The following MAN1C1 variants were observed in gnomAD, a reference collection of about 807,000 sequenced individuals.
The protein encoded by MAN1C1 is mannosidase alpha class 1C member 1, also known as mannosyl-oligosaccharide 1,2-alpha-mannosidase IC.
In MAN1C1, 49 loss-of-function variants were observed where a neutral mutation model predicts 71.5. The observed-to-expected ratio is 0.69, with a 90% confidence interval of 0.54 to 0.87. MAN1C1 has a LOEUF of 0.87. Ranked by LOEUF, MAN1C1 falls within the 40% of genes least tolerant of loss-of-function variation. The probability of loss-of-function intolerance (pLI) is 0.00; values close to 1 mark genes in which losing one functional copy is unlikely to be tolerated. For missense variants in MAN1C1, 743 were observed against 835.0 expected, an observed-to-expected ratio of 0.89 and a Z score of 1.36; for synonymous variants, 352 against 343.7, an observed-to-expected ratio of 1.02 and a Z score of -0.27.
intron 1 of MAN1C1, among the ~76,000 whole-genome samples, chr1:25,681,738 G>T (rs1403135416): frequency 6.6e-6 from 1 of 152,144 alleles, no homozygotes. Context: ...TGGCCGCACC[G>T]TTTTCATTCC....
intron 2 of MAN1C1, among the ~76,000 whole-genome samples, chr1:25,724,268 C>T (rs1005875957): frequency 6.6e-6 from 1 of 152,130 alleles, no homozygotes; most frequent in Non-Finnish European, 1.5e-5. Flanking sequence ...ATCTTGTGAT[C>T]CGCCCACCTG....
chr1:25,682,847 G>A (rs2046173314), intron 1 of MAN1C1, among the ~76,000 whole-genome samples: 1 of 152,014 alleles, frequency 6.6e-6, no homozygotes. Context: ...AGACCAACCT[G>A]GCCAACATGG....
intron 2 of MAN1C1, among the ~76,000 whole-genome samples, chr1:25,734,662 G>T (rs1031572125): frequency 2.0e-5 from 3 of 152,170 alleles, no homozygotes; most frequent in Non-Finnish European, 4.4e-5. Context: ...CAGGGCACTG[G>T]CTGTCTAGGT....
chr1:25,663,517 A>G (rs1057270270), intron 1 of MAN1C1, among the ~76,000 whole-genome samples: 5 of 152,250 alleles, frequency 3.3e-5, no homozygotes, highest in African/African-American at 1.2e-4. Flanking sequence ...AATTATGTGA[A>G]TGTGGTCTCT....
chr1:25,714,807 C>T (rs916783022), intron 2 of MAN1C1, among the ~76,000 whole-genome samples: 1 of 152,192 alleles, frequency 6.6e-6, no homozygotes, highest in African/African-American at 2.4e-5. Flanking sequence ...ATGCCACAAG[C>T]TGGTGGTACC....
intron 1 of MAN1C1, among the ~76,000 whole-genome samples, chr1:25,621,977 G>C (rs188970055): frequency 6.6e-6 from 1 of 152,154 alleles, no homozygotes; most frequent in Admixed American, 6.5e-5. Flanking sequence ...CAGTGAAGGG[G>C]GCTTTTTATA....
chr1:25,765,373 C>T (rs967904758), intron 7 of MAN1C1, among the ~76,000 whole-genome samples: 3 of 152,176 alleles, frequency 2.0e-5, no homozygotes, highest in Non-Finnish European at 4.4e-5. Context: ...GTTCCGTGGG[C>T]ACTGCCTCTA....
intron 1 of MAN1C1, among the ~76,000 whole-genome samples, chr1:25,640,175 T>G (rs1435437499): frequency 6.6e-6 from 1 of 152,238 alleles, no homozygotes; most frequent in Admixed American, 6.5e-5. Flanking sequence ...TTGTCTCTCC[T>G]CATTCAGAAA....
rs145114254 is a variant in MAN1C1, at chr1:25,754,836, G to A, written c.929+1258G>A. ...TCCTGACATTTGTGATTAAGGAAGC[G>A]CGTTTGCTTTTAGGCTGTTTGCCTG... On this transcript the variant is annotated intron_variant, in intron 5 of 11. Transcript: ENST00000374332. 1.6e-3 allele frequency among the ~76,000 whole-genome samples: 251 copies of A among 152,348 alleles called. 1 individual carries two copies. Among genetic ancestry groups the A allele is most frequent in the African/African-American group, 4.7e-3 (195 of 41,586 alleles).
chr1:25,689,403 A>T (rs1464995033), intron 2 of MAN1C1, among the ~76,000 whole-genome samples: 3 of 152,126 alleles, frequency 2.0e-5, no homozygotes, highest in Non-Finnish European at 4.4e-5. Context: ...TTTTTCTGTA[A>T]ATTGGAACTA....
intron 1 of MAN1C1, among the ~76,000 whole-genome samples, chr1:25,652,708 C>G (rs2045710768): frequency 6.6e-6 from 1 of 152,234 alleles, no homozygotes; most frequent in Non-Finnish European, 1.5e-5. Flanking sequence ...CAACCTCTGC[C>G]TCAATGTCCT....
chr1:25,693,748 G>T (rs976434821), intron 2 of MAN1C1, among the ~76,000 whole-genome samples: 15 of 152,242 alleles, frequency 9.9e-5, no homozygotes, highest in Non-Finnish European at 4.4e-5. Flanking sequence ...ACAGAGAGGA[G>T]AATGGATTTG....
chr1:25,632,282 T>C (rs1419900359), intron 1 of MAN1C1, among the ~76,000 whole-genome samples: 1 of 152,220 alleles, frequency 6.6e-6, no homozygotes, highest in Non-Finnish European at 1.5e-5. Flanking sequence ...ATTTTTCTAG[T>C]TTATGTGCGT....
intron 7 of MAN1C1, among the ~76,000 whole-genome samples, chr1:25,766,905 T>C (rs1256408336): frequency 6.6e-6 from 1 of 151,998 alleles, no homozygotes; most frequent in East Asian, 1.9e-4. Flanking sequence ...ATTTCCAGGC[T>C]TGTGGCCCAG....
Position 25,617,624 on chromosome 1 carries a change from T to G in MAN1C1, c.-174T>G, listed in dbSNP as rs1301009855. ...CCCGCCTCCTCGCGGGAGGACTCGC[T>G]CCAAACTCCCTGAACTTCGGGGACA... On this transcript the variant is annotated 5_prime_UTR_variant, in exon 1 of 12. Transcript: ENST00000374332. This position sits in a 1 kb window ranked among gnomAD's most constrained non-coding sequence, Gnocchi z 5.1. 5 of 551,752 alleles carry G rather than the reference T, an allele frequency of 9.1e-6. No homozygotes were observed. The African/African-American group carries it at 1.0e-4, about 11-fold the overall frequency. 34.2% of individuals were successfully genotyped at this position (551,752 alleles called of 1,614,324 possible).
chr1:25,721,136 T>C (rs2046759765), intron 2 of MAN1C1, among the ~76,000 whole-genome samples: 1 of 152,188 alleles, frequency 6.6e-6, no homozygotes, highest in South Asian at 2.1e-4. Flanking sequence ...TGGCCTATTC[T>C]GGGTCCCTTA....
intron 1 of MAN1C1, among the ~76,000 whole-genome samples, chr1:25,619,165 T>TA (rs977578303): frequency 7.9e-5 from 12 of 152,152 alleles, no homozygotes; most frequent in African/African-American, 2.7e-4. Context: ...TGCCACTAAA[T>TA]ATTCTGCTGG....
intron 7 of MAN1C1, among the ~76,000 whole-genome samples, chr1:25,766,456 C>T (rs1030024894): frequency 1.3e-5 from 2 of 152,118 alleles, no homozygotes; most frequent in African/African-American, 4.8e-5. Context: ...TCAGAACAAG[C>T]CTGAAGGCAG....
chr1:25,783,568 A>C, intron 11 of MAN1C1, 95 bp from the exon 12 acceptor site: 1 of 1,423,498 alleles, frequency 7.0e-7, no homozygotes, highest in East Asian at 2.3e-5. Context: ...CCATAGGCCT[A>C]TCACAAAGGC....
Sources: gnomAD v4.1 joint callset for allele counts (sites outside exome capture counted in the v4.1 genomes callset) on GRCh38, gnomAD v4.1.1 for gene constraint, Gnocchi (gnomAD v3.1) non-coding constraint, MANE v1.5 for transcripts, NCBI Gene and HGNC (gene_info 2026-07-23, HGNC 2026-07-21) for gene names.